Variants in CNTNAP2 observed in about 807,000 individuals in gnomAD.
CNTNAP2 encodes contactin-associated protein-like 2.
In CNTNAP2, 98 loss-of-function variants were observed where a neutral mutation model predicts 155.2. The observed-to-expected ratio is 0.63, with a 90% CI of 0.54 to 0.75. CNTNAP2 has a LOEUF of 0.75. Among genes scored for constraint, CNTNAP2 ranks in the 30% least tolerant of loss-of-function variants. The pLI, the probability that CNTNAP2 is intolerant of heterozygous loss-of-function variation, is 0.00. For missense variants in CNTNAP2, 1,727 were observed against 1,688.1 expected (o/e 1.02, Z -0.40); for synonymous variants, 651 against 631.2 (o/e 1.03, Z -0.47).
intron 10 of CNTNAP2, among the ~76,000 whole-genome samples, chr7:147,434,874 T>C (rs1437941076): frequency 1.3e-5 from 2 of 152,232 alleles, no homozygotes; most frequent in Non-Finnish European, 2.9e-5. Context: ...ACTGTGGCAG[T>C]AACCTAAAAG....
intron 18 of CNTNAP2, among the ~76,000 whole-genome samples, chr7:148,186,146 T>C (rs1261525504): frequency 6.6e-6 from 1 of 152,352 alleles, no homozygotes; most frequent in East Asian, 1.9e-4. Flanking sequence ...GAGGCCCCTT[T>C]TGTCACAAAA....
chr7:146,972,317 A>G (rs1584758533), intron 3 of CNTNAP2, among the ~76,000 whole-genome samples: 1 of 152,338 alleles, frequency 6.6e-6, no homozygotes, highest in Admixed American at 6.5e-5. Context: ...CATTTAAAAT[A>G]AAATTGTATT....
intron 13 of CNTNAP2, among the ~76,000 whole-genome samples, chr7:147,855,173 G>A (rs909357021): frequency 6.6e-6 from 1 of 151,980 alleles, no homozygotes. Flanking sequence ...CCCTCTAGTT[G>A]GTGTGTAAAA....
intron 3 of CNTNAP2, among the ~76,000 whole-genome samples, chr7:146,855,002 C>A (rs1053788930): frequency 4.0e-5 from 6 of 151,658 alleles, no homozygotes; most frequent in African/African-American, 1.5e-4. Flanking sequence ...TAATATCTAC[C>A]AATTAAAATT....
chr7:146,443,841 A>G (rs1239901345), intron 1 of CNTNAP2, among the ~76,000 whole-genome samples: 2 of 152,194 alleles, frequency 1.3e-5, no homozygotes, highest in African/African-American at 2.4e-5. Flanking sequence ...TTGTTAATTA[A>G]TAGCATAAAG....
At chr7:146,451,036 C>T (rs909980561) in intron 1 of CNTNAP2, among the ~76,000 whole-genome samples, 7 of 151,772 alleles carry the variant, frequency 4.6e-5, no homozygotes, top group Non-Finnish European at 8.8e-5. Flanking sequence ...AAGCTCTGAC[C>T]CCCGGGTTCA....
chr7:146,290,236 A>G (rs1800407589), intron 1 of CNTNAP2, among the ~76,000 whole-genome samples: 1 of 152,066 alleles, frequency 6.6e-6, no homozygotes, highest in Non-Finnish European at 1.5e-5. Context: ...GTAATTTTTT[A>G]TGGCTCCATT....
chr7:146,353,041 A>G (rs1203603894), intron 1 of CNTNAP2, among the ~76,000 whole-genome samples: 2 of 152,080 alleles, frequency 1.3e-5, no homozygotes, highest in African/African-American at 4.8e-5. Context: ...GGCCTGAGCC[A>G]CCGCGCCCGG....
At chr7:147,133,984 C>A (rs1051428940) in intron 8 of CNTNAP2, among the ~76,000 whole-genome samples, 8 of 151,744 alleles carry the variant, frequency 5.3e-5, no homozygotes, top group Non-Finnish European at 7.4e-5. Context: ...TCTGGAGAGA[C>A]CAGAAAAACA....
chr7:146,218,554 A>G (rs1028763291), intron 1 of CNTNAP2, among the ~76,000 whole-genome samples: 1 of 151,744 alleles, frequency 6.6e-6, no homozygotes, highest in Non-Finnish European at 1.5e-5. Context: ...AAAAATTGCC[A>G]TCAAGGTTAA....
intron 9 of CNTNAP2, among the ~76,000 whole-genome samples, chr7:147,365,815 A>G (rs1450751241): frequency 6.6e-6 from 1 of 152,206 alleles, no homozygotes; most frequent in Non-Finnish European, 1.5e-5. Context: ...TCAGAAGGAA[A>G]CAAAATCCTT....
chr7:147,555,041 C>T (rs1799926171), intron 11 of CNTNAP2, among the ~76,000 whole-genome samples: 1 of 152,180 alleles, frequency 6.6e-6, no homozygotes, highest in Non-Finnish European at 1.5e-5. Context: ...GTGCACAAAC[C>T]TCAGTGGTTA....
chr7:147,862,979 G>T (rs1013586301), intron 13 of CNTNAP2, among the ~76,000 whole-genome samples: 1 of 151,738 alleles, frequency 6.6e-6, no homozygotes, highest in Non-Finnish European at 1.5e-5. Flanking sequence ...TGTTCACAAC[G>T]TGCAGGTTTG....
chr7:147,562,340 G>T, intron 12 of CNTNAP2, 83 bp downstream of exon 12: 20 of 1,578,942 alleles, frequency 1.3e-5, no homozygotes, highest in Non-Finnish European at 1.6e-5. Flanking sequence ...TTGTTTCTTT[G>T]GTGCTATGTT....
chr7:146,867,815 T>C (rs1795235539), intron 3 of CNTNAP2, among the ~76,000 whole-genome samples: 1 of 151,436 alleles, frequency 6.6e-6, no homozygotes. Flanking sequence ...GCTGCATGAA[T>C]GTCTTCATTT....
At chr7:147,801,580 C>G (rs1171899743) in intron 13 of CNTNAP2, among the ~76,000 whole-genome samples, 2 of 151,736 alleles carry the variant, frequency 1.3e-5, no homozygotes, top group Non-Finnish European at 2.9e-5. Context: ...CTTGCACCGC[C>G]CTTAATCCAT....
intron 3 of CNTNAP2, among the ~76,000 whole-genome samples, chr7:146,962,735 G>C (rs1185028545): frequency 1.3e-5 from 2 of 152,108 alleles, no homozygotes; most frequent in Admixed American, 6.5e-5. Flanking sequence ...ATTTTTAGTA[G>C]AGACAGGGTT....
intron 1 of CNTNAP2, among the ~76,000 whole-genome samples, chr7:146,664,525 T>A (rs1020493854): frequency 6.6e-6 from 1 of 152,204 alleles, no homozygotes; most frequent in Non-Finnish European, 1.5e-5. Context: ...CTTGGTATGA[T>A]ACACTAAATG....
intron 11 of CNTNAP2, among the ~76,000 whole-genome samples, chr7:147,510,826 G>A (rs932707273): frequency 4.3e-4 from 37 of 86,880 alleles, no homozygotes; most frequent in African/African-American, 1.5e-3. Flanking sequence ...TCATAAGTAA[G>A]TGCTCCTGTG....
Sources: allele counts gnomAD v4.1 joint callset (sites outside exome capture counted in the v4.1 genomes callset), GRCh38; gene constraint gnomAD v4.1.1; transcripts MANE v1.5; gene names NCBI Gene and HGNC (gene_info 2026-07-23, HGNC 2026-07-21).